The following CLNK variants were observed in gnomAD, a reference collection of about 807,000 sequenced individuals.
CLNK encodes cytokine-dependent hematopoietic cell linker.
A neutral mutation model predicts 68.6 loss-of-function variants in CLNK; 74 were observed. The ratio of observed to expected loss-of-function variants is 1.08; its 90% CI spans 0.89 to 1.31. The LOEUF is 1.31. Among genes scored for constraint, CLNK ranks in the 50% most tolerant of loss-of-function variants. CLNK has a pLI of 0.00. For synonymous variants in CLNK, 198 were observed against 172.2 expected, an observed-to-expected ratio of 1.15 and a Z score of -1.17; for missense variants, 553 against 515.3, an observed-to-expected ratio of 1.07 and a Z score of -0.71.
At chr4:10,559,119 AC>A (rs1343367132) in intron 7 of CLNK, among the ~76,000 whole-genome samples, 13 of 152,236 alleles carry the variant, frequency 8.5e-5, no homozygotes, top group Non-Finnish European at 1.6e-4. Flanking sequence ...ATTAAGGGGT[AC>A]ACAACTGGAA....
At chr4:10,494,270 G>C (rs1314754987) in intron 18 of CLNK, among the ~76,000 whole-genome samples, 1 of 152,154 alleles carries the variant, frequency 6.6e-6, no homozygotes, top group African/African-American at 2.4e-5. Context: ...ATCTTTCCTA[G>C]TTTCAGTCTT....
At chr4:10,608,095 G>T (rs1721856289) in intron 2 of CLNK, among the ~76,000 whole-genome samples, 1 of 152,222 alleles carries the variant, frequency 6.6e-6, no homozygotes, top group Non-Finnish European at 1.5e-5. Flanking sequence ...AACTTGGAGT[G>T]TCCTGTGCTT....
At chr4:10,728,896 GC>G in the CLNK span, among the ~76,000 whole-genome samples, 1 of 151,980 alleles carries the variant, frequency 6.6e-6, no homozygotes, top group Non-Finnish European at 1.5e-5. Flanking sequence ...ACCACACCCG[GC>G]CCCTTTCTTA....
At chr4:10,505,062 T>C (rs1286392172) in intron 17 of CLNK, among the ~76,000 whole-genome samples, 1 of 152,218 alleles carries the variant, frequency 6.6e-6, no homozygotes, top group Non-Finnish European at 1.5e-5. Context: ...GGAGGTCTAC[T>C]AAGAGTAGTT....
At chr4:10,647,995 A>G (rs537200348) in intron 2 of CLNK, among the ~76,000 whole-genome samples, 3 of 152,250 alleles carry the variant, frequency 2.0e-5, no homozygotes, top group Admixed American at 1.3e-4. Context: ...ACTGTGACTC[A>G]TCTCTGGACA....
At chr4:10,631,793 A>T (rs114793049) in intron 2 of CLNK, among the ~76,000 whole-genome samples, 2 of 152,268 alleles carry the variant, frequency 1.3e-5, no homozygotes, top group African/African-American at 4.8e-5. Context: ...ACTCTATGAC[A>T]TAGAAGTTAC....
At chr4:10,714,849 C>A in the CLNK span, among the ~76,000 whole-genome samples, 1 of 152,224 alleles carries the variant, frequency 6.6e-6, no homozygotes, top group African/African-American at 2.4e-5. Flanking sequence ...ATTATACATT[C>A]TGACATCAGT....
chr4:10,699,464 C>G, the CLNK span, among the ~76,000 whole-genome samples: 1 of 41,400 alleles, frequency 2.4e-5, no homozygotes, highest in Non-Finnish European at 6.3e-5. Context: ...TACATCCTCT[C>G]TGTCTCTCTC....
chr4:10,530,776 C>T lies in CLNK; in HGVS notation c.630+1480G>A, dbSNP rs79600636. 2.3e-3 allele frequency among the ~76,000 whole-genome samples: 352 copies of T among 152,232 alleles called. 12 individuals carry two copies. In the East Asian group the frequency reaches 0.05, roughly 22 times the overall value. ...GGCCTAGCTTACAGGAAGCAGGGGA[C>T]GGAGTCCTGTATTCAGGCACCTTGG... On this transcript the variant is annotated intron_variant, in intron 12 of 18. Transcript: ENST00000226951.
At chr4:10,609,408 G>A (rs527350351) in intron 2 of CLNK, among the ~76,000 whole-genome samples, 1 of 152,166 alleles carries the variant, frequency 6.6e-6, no homozygotes, top group African/African-American at 2.4e-5. Flanking sequence ...CTGTCTTCTA[G>A]CTTCTTCTGA....
At chr4:10,691,208 T>C in the CLNK span, among the ~76,000 whole-genome samples, 1 of 152,126 alleles carries the variant, frequency 6.6e-6, no homozygotes, top group Non-Finnish European at 1.5e-5. Flanking sequence ...TTTTAATATG[T>C]ATTGGGGTAT....
chr4:10,577,137 C>T (rs1178087836), intron 4 of CLNK, among the ~76,000 whole-genome samples: 1 of 152,140 alleles, frequency 6.6e-6, no homozygotes, highest in Non-Finnish European at 1.5e-5. Flanking sequence ...CTCTCTATTT[C>T]CCTAGGAAAG....
intron 17 of CLNK, 71 bp downstream of exon 17, chr4:10,507,888 T>C (rs1357317791): frequency 1.2e-5 from 14 of 1,125,972 alleles, no homozygotes; most frequent in Non-Finnish European, 1.7e-5. Context: ...TGTTACGTCT[T>C]GTGACACATA....
chr4:10,529,991 TTTTTC>T (rs57775712), intron 12 of CLNK, among the ~76,000 whole-genome samples: 7,895 of 152,042 alleles, frequency 0.052, 496 homozygotes, highest in African/African-American at 0.15. Flanking sequence ...TCTCCTTCCT[TTTTTC>T]TTTTCCTTTT....
chr4:10,563,039 G>C (rs543690225), intron 7 of CLNK, among the ~76,000 whole-genome samples: 20 of 152,292 alleles, frequency 1.3e-4, no homozygotes, highest in Non-Finnish European at 2.6e-4. Context: ...CGTGTAAAAA[G>C]GAAGTGTTTG....
chr4:10,535,409 C>T (rs924301538), intron 11 of CLNK, among the ~76,000 whole-genome samples: 3 of 152,074 alleles, frequency 2.0e-5, no homozygotes, highest in Non-Finnish European at 4.4e-5. Context: ...AATGAACCCT[C>T]GATTTCTTAA....
At chr4:10,513,775 G>C (rs1172997380) in intron 15 of CLNK, among the ~76,000 whole-genome samples, 178 bp from the exon 16 acceptor site, 1 of 150,412 alleles carries the variant, frequency 6.6e-6, no homozygotes, top group East Asian at 1.9e-4. Flanking sequence ...TCTACCTGTA[G>C]CTTTGCCCTT....
intron 2 of CLNK, among the ~76,000 whole-genome samples, chr4:10,619,128 G>A (rs756956454): frequency 3.3e-5 from 5 of 152,272 alleles, no homozygotes; most frequent in Middle Eastern, 3.4e-3. Context: ...GCACAGTTCC[G>A]CTGAAACTTG....
At chr4:10,700,395 A>G in the CLNK span, among the ~76,000 whole-genome samples, 1 of 152,202 alleles carries the variant, frequency 6.6e-6, no homozygotes, top group Non-Finnish European at 1.5e-5. Context: ...ATATATATCC[A>G]GGCTGACTTT....
Sources: allele counts gnomAD v4.1 joint callset (sites outside exome capture counted in the v4.1 genomes callset), GRCh38; gene constraint gnomAD v4.1.1; transcripts MANE v1.5; gene names NCBI Gene and HGNC (gene_info 2026-07-23, HGNC 2026-07-21).